KCNMA1: variants seen among roughly 807,000 people sequenced by gnomAD.
KCNMA1 encodes potassium calcium-activated channel subfamily M alpha 1, also known as Calcium-activated potassium channel subunit alpha-1.
Under a neutral mutation model 140.0 loss-of-function variants are expected in KCNMA1, and 29 were observed. That is an observed-to-expected ratio of 0.21 (90% CI 0.15 to 0.28). The LOEUF (loss-of-function observed/expected upper bound fraction) is 0.28. Ranked by LOEUF, KCNMA1 falls within the 10% of genes least tolerant of loss-of-function variation. KCNMA1 has a pLI of 1.00. For missense variants in KCNMA1, 880 were observed against 1,602.2 expected, an observed-to-expected ratio of 0.55 and a Z score of 7.70; for synonymous variants, 612 against 611.9, an observed-to-expected ratio of 1.00 and a Z score of 0.00.
chr10:77,449,905 G>A (rs2154519413), intron 1 of KCNMA1, among the ~76,000 whole-genome samples: 2 of 151,916 alleles, frequency 1.3e-5, no homozygotes, highest in South Asian at 4.2e-4. Flanking sequence ...GCCTCCCAAA[G>A]TGCTGGGATT....
At chr10:77,586,833 G>GC (rs2077390127) in intron 1 of KCNMA1, among the ~76,000 whole-genome samples, 1 of 152,154 alleles carries the variant, frequency 6.6e-6, no homozygotes, top group East Asian at 1.9e-4. Flanking sequence ...TCCTAACTCA[G>GC]CCCTCACTAT....
intron 1 of KCNMA1, among the ~76,000 whole-genome samples, chr10:77,623,104 C>G (rs1434078183): frequency 3.3e-5 from 5 of 152,128 alleles, no homozygotes; most frequent in African/African-American, 1.2e-4. Flanking sequence ...TAGCATCATC[C>G]CTGGAGATAG....
Position 77,080,209 on chromosome 10 carries a change from C to T in KCNMA1, c.1524-659G>A, listed in dbSNP as rs2096529715. Among the ~76,000 whole-genome samples the T allele has an allele frequency of 2.0e-5, 3 of 152,212 alleles. 1 individual carries two copies. In the South Asian group the frequency reaches 6.2e-4, roughly 32 times the overall value. ...CCCGGTGACCCAGAAGTTACTACCC[C>T]TTCCCTAGAAATTTTTGCATAAGCT... On this transcript the variant is annotated intron_variant, in intron 12 of 27. Transcript: ENST00000286628.
chr10:77,621,067 A>G (rs2091212501), intron 1 of KCNMA1, among the ~76,000 whole-genome samples: 1 of 152,174 alleles, frequency 6.6e-6, no homozygotes. Context: ...TATTCCATGC[A>G]CGGGGTTTGG....
chr10:77,112,974 G>A (rs903322145), intron 6 of KCNMA1, among the ~76,000 whole-genome samples: 1 of 152,042 alleles, frequency 6.6e-6, no homozygotes, highest in African/African-American at 2.4e-5. Context: ...ACCATTGCAC[G>A]CCTCAGAAAA....
At chr10:77,333,441 G>A (rs537609108) in intron 2 of KCNMA1, among the ~76,000 whole-genome samples, 11 of 150,234 alleles carry the variant, frequency 7.3e-5, no homozygotes, top group Non-Finnish European at 1.3e-4. Flanking sequence ...AAAGAAAAGA[G>A]AAGAAAAGAA....
chr10:76,978,209 A>G (rs2078276739), intron 19 of KCNMA1, among the ~76,000 whole-genome samples: 1 of 152,194 alleles, frequency 6.6e-6, no homozygotes, highest in Non-Finnish European at 1.5e-5. Context: ...AGGAAGCCAA[A>G]CTGATGAGTT....
rs542701036 is a variant in KCNMA1 at position 77,497,436 on chromosome 10, CAG to C, written c.379-93415_379-93414del. 1.9e-3 allele frequency among the ~76,000 whole-genome samples: 290 copies of C among 152,278 alleles called. 2 individuals carry two copies. The highest frequency in any genetic ancestry group is 3.8e-3 in the Non-Finnish European group (259 of 68,026). On this transcript the variant is annotated intron_variant, in intron 1 of 27. Coordinates refer to ENST00000286628, the MANE Select transcript of KCNMA1 (RefSeq NM_001161352.2). ...TGCCCCTTGAGGGTGGGTGAGCTCACAGAGTCTATTCCTGACACTGTTGCTCT... is the reference window on the plus strand; with the variant it reads ...TGCCCCTTGAGGGTGGGTGAGCTCACAGTCTATTCCTGACACTGTTGCTCT...
intron 2 of KCNMA1, among the ~76,000 whole-genome samples, chr10:77,253,212 AC>A (rs1255138216): frequency 6.6e-6 from 1 of 152,180 alleles, no homozygotes; most frequent in Non-Finnish European, 1.5e-5. Flanking sequence ...TGTGGCCAGA[AC>A]CCAGGAGAAG....
At chr10:77,449,518 G>A (rs373953235) in intron 1 of KCNMA1, among the ~76,000 whole-genome samples, 6 of 141,420 alleles carry the variant, frequency 4.2e-5, no homozygotes, top group South Asian at 2.3e-4. Context: ...CAGGATTAGG[G>A]TGGGTGGGGT....
intron 1 of KCNMA1, among the ~76,000 whole-genome samples, chr10:77,626,230 A>T (rs1212805276): frequency 2.7e-5 from 4 of 150,710 alleles, no homozygotes; most frequent in African/African-American, 9.7e-5. Context: ...TTTTTTTTTT[A>T]GACTGAGGCA....
intron 6 of KCNMA1, among the ~76,000 whole-genome samples, chr10:77,118,783 C>A (rs963649911): frequency 6.6e-6 from 1 of 152,212 alleles, no homozygotes; most frequent in Admixed American, 6.5e-5. Flanking sequence ...TTAACCACAC[C>A]GTCAGGTGGC....
intron 16 of KCNMA1, among the ~76,000 whole-genome samples, chr10:77,023,569 C>T (rs1237270517): frequency 6.6e-6 from 1 of 152,158 alleles, no homozygotes. Context: ...ATGAATCATG[C>T]CATTGAGAAG....
At chr10:77,106,744 T>C (rs2097205851) in intron 9 of KCNMA1, among the ~76,000 whole-genome samples, 1 of 152,130 alleles carries the variant, frequency 6.6e-6, no homozygotes, top group Non-Finnish European at 1.5e-5. Context: ...GCAAAATGAA[T>C]TGAGATGCTG....
chr10:77,287,647 G>A lies in KCNMA1; in HGVS notation c.541-36391C>T, dbSNP rs552667831. Among the ~76,000 whole-genome samples the A allele has an allele frequency of 2.8e-4, 43 of 152,270 alleles. No individual in the cohort carries two copies. The South Asian group carries it at 6.8e-3, about 24-fold the overall frequency. On this transcript the variant is annotated intron_variant, in intron 2 of 27. Transcript: ENST00000286628. The stretch of plus-strand genomic sequence containing the variant: ...GCATTCATTTTTTAGATGGGAGTTG[G>A]CATGAGGATCTCCTGCAAAGAGAGA...
chr10:77,316,262 C>G (rs563000158), intron 2 of KCNMA1, among the ~76,000 whole-genome samples: 1 of 152,132 alleles, frequency 6.6e-6, no homozygotes, highest in Non-Finnish European at 1.5e-5. Context: ...CAGCAGGGAA[C>G]CTGTGCCAAT....
rs146312843 is a variant in KCNMA1 at position 76,920,901 on chromosome 10, C to T, written c.2903-5852G>A. On this transcript the variant is annotated intron_variant, in intron 23 of 27. Coordinates refer to ENST00000286628, the MANE Select transcript of KCNMA1 (RefSeq NM_001161352.2). ...TGGGACCCATTGTAGTTATGCTTAA[C>T]TTGCTTTGGTATGGCAGCATGCACA... is the stretch of plus-strand genomic sequence containing the variant. 1.4e-3 allele frequency among the ~76,000 whole-genome samples: 210 copies of T among 152,328 alleles called. 1 individual carries two copies. Among genetic ancestry groups the T allele is most frequent in the African/African-American group, 4.9e-3 (205 of 41,576 alleles).
At chr10:77,546,847 T>C (rs1478942094) in intron 1 of KCNMA1, among the ~76,000 whole-genome samples, 3 of 152,198 alleles carry the variant, frequency 2.0e-5, no homozygotes, top group Non-Finnish European at 4.4e-5. Context: ...CCTTCTAGGC[T>C]ACCTACTATG....
chr10:77,448,884 C>T (rs571792031), intron 1 of KCNMA1, among the ~76,000 whole-genome samples: 5 of 151,892 alleles, frequency 3.3e-5, no homozygotes, highest in Non-Finnish European at 7.4e-5. Flanking sequence ...GTCAGGAGAT[C>T]GAGACCAGCC....
Sources: gnomAD v4.1 joint callset for allele counts (sites outside exome capture counted in the v4.1 genomes callset) on GRCh38, gnomAD v4.1.1 for gene constraint, MANE v1.5 for transcripts, NCBI Gene and HGNC (gene_info 2026-07-23, HGNC 2026-07-21) for gene names.